Variants in LONP2 observed in about 807,000 individuals in gnomAD.
LONP2 encodes lon peptidase 2, peroxisomal.
Under a neutral mutation model 85.6 loss-of-function variants are expected in LONP2, and 60 were observed. The ratio of observed to expected loss-of-function variants is 0.70; its 90% CI spans 0.57 to 0.87. The LOEUF is 0.87. Ranked by LOEUF, LONP2 falls within the 40% of genes least tolerant of loss-of-function variation. The pLI is 0.00. For missense variants in LONP2, 860 were observed against 1,063.5 expected (o/e 0.81, Z 2.66); for synonymous variants, 395 against 389.7 (o/e 1.01, Z -0.16).
At chr16:48,343,286 T>C (rs1959868415) in intron 12 of LONP2, among the ~76,000 whole-genome samples, 1 of 152,242 alleles carries the variant, frequency 6.6e-6, no homozygotes, top group Non-Finnish European at 1.5e-5. Flanking sequence ...CAAAGAGTTG[T>C]GCATGCTTAC....
chr16:48,339,254 C>T (rs1959745901), intron 12 of LONP2, among the ~76,000 whole-genome samples: 1 of 152,080 alleles, frequency 6.6e-6, no homozygotes, highest in African/African-American at 2.4e-5. Flanking sequence ...GCCATAGAGA[C>T]AGAAGAGGAG....
chr16:48,285,027 G>A (rs1293991487), intron 8 of LONP2, among the ~76,000 whole-genome samples: 1 of 152,034 alleles, frequency 6.6e-6, no homozygotes, highest in Non-Finnish European at 1.5e-5. Context: ...CATATTTCTT[G>A]TCTCATCTCC....
chr16:48,273,669 T>G (rs1972148917), intron 7 of LONP2, among the ~76,000 whole-genome samples: 1 of 152,204 alleles, frequency 6.6e-6, no homozygotes, highest in Non-Finnish European at 1.5e-5. Flanking sequence ...TTAAATAATT[T>G]AAGTCAATTC....
Position 48,253,294 on chromosome 16 carries a change from A to G in LONP2, c.468+929A>G, listed in dbSNP as rs189985157. On this transcript the variant is annotated intron_variant, in intron 2 of 14. Coordinates refer to ENST00000285737, the MANE Select transcript of LONP2 (RefSeq NM_031490.5). ...AGATCAGCCTAGGCAGCATGGTGAGATCCCGTCTCTACAAAATGTACAAAA... is the reference window on the plus strand; with the variant it reads ...AGATCAGCCTAGGCAGCATGGTGAGGTCCCGTCTCTACAAAATGTACAAAA... Among the ~76,000 whole-genome samples the G allele has an allele frequency of 4.0e-3, 613 of 152,062 alleles. 4 individuals are homozygous for G. The highest frequency in any genetic ancestry group is 0.014 in the African/African-American group (582 of 41,480).
chr16:48,350,159 G>A (rs1960095409), intron 14 of LONP2, among the ~76,000 whole-genome samples: 1 of 152,222 alleles, frequency 6.6e-6, no homozygotes, highest in South Asian at 2.1e-4. Flanking sequence ...GCCAAGGTGG[G>A]CGTATCACTT....
chr16:48,310,504 A>T (rs1973008539), intron 11 of LONP2, among the ~76,000 whole-genome samples: 1 of 152,042 alleles, frequency 6.6e-6, no homozygotes. Context: ...GGTGCATGCC[A>T]CCATGCCTGG....
At chr16:48,322,192 T>G (rs1973279707) in intron 11 of LONP2, among the ~76,000 whole-genome samples, 1 of 152,170 alleles carries the variant, frequency 6.6e-6, no homozygotes, top group Admixed American at 6.5e-5. Context: ...AGTGCTCCAT[T>G]ATTGGAACAC....
chr16:48,307,716 T>A (rs1972940518), intron 11 of LONP2, among the ~76,000 whole-genome samples: 2 of 152,182 alleles, frequency 1.3e-5, no homozygotes, highest in African/African-American at 4.8e-5. Context: ...AAAGACAAAA[T>A]TAATACAAAT....
Position 48,299,653 on chromosome 16 carries a change from C to T in LONP2, c.1535-9C>T. ...AAATAATTACAAAACAAGATCTCTT[C>T]TTTTCCAGGTTATACACAGGAGGAG... On this transcript the variant is annotated splice_polypyrimidine_tract_variant and intron_variant, in intron 9 of 14. Transcript: ENST00000285737. The T allele has an allele frequency of 6.3e-7, 1 of 1,596,466 alleles. No homozygotes were observed. The highest frequency in any genetic ancestry group is 8.5e-7 in the Non-Finnish European group (1 of 1,175,182).
intron 10 of LONP2, among the ~76,000 whole-genome samples, chr16:48,301,362 A>G (rs1972800113): frequency 6.6e-6 from 1 of 152,114 alleles, no homozygotes. Flanking sequence ...ATTTTTTAAG[A>G]CAGGTTTTCA....
intron 10 of LONP2, among the ~76,000 whole-genome samples, chr16:48,301,139 A>T (rs1482501009): frequency 6.6e-6 from 1 of 152,200 alleles, no homozygotes; most frequent in Non-Finnish European, 1.5e-5. Flanking sequence ...TTAGTGAGTT[A>T]CCAAACTTAG....
chr16:48,255,799 A>G (rs1023187780), intron 2 of LONP2, among the ~76,000 whole-genome samples: 5 of 152,086 alleles, frequency 3.3e-5, no homozygotes, highest in African/African-American at 1.2e-4. Flanking sequence ...GCTACCATGT[A>G]AGACAGGCCT....
chr16:48,277,735 C>G (rs569013466), intron 8 of LONP2, among the ~76,000 whole-genome samples: 2 of 151,688 alleles, frequency 1.3e-5, no homozygotes, highest in Admixed American at 6.6e-5. Flanking sequence ...CACTTATTAT[C>G]TAGAGGCCAA....
At chr16:48,290,650 A>G (rs1972541145) in intron 8 of LONP2, among the ~76,000 whole-genome samples, 2 of 152,252 alleles carry the variant, frequency 1.3e-5, no homozygotes, top group South Asian at 4.1e-4. Context: ...ACAAACAAAC[A>G]GCACAGGAGC....
In LONP2 at chr16:48,351,832, G is replaced by A. The variant is rs372554047; in HGVS notation, c.*30G>A. ...AAATCTCAATTTTTTAGAATTTTAA[G>A]TTATGAAGTGCTCAAAGGTACTGAC... On this transcript the variant is annotated 3_prime_UTR_variant, in exon 15 of 15. Coordinates refer to ENST00000285737, the MANE Select transcript of LONP2 (RefSeq NM_031490.5). 2.6e-6 allele frequency: 4 copies of A among 1,567,272 alleles called. No individual in the cohort carries two copies. In the South Asian group the frequency reaches 3.3e-5, roughly 13 times the overall value.
At position 48,320,086 on chromosome 16, in the gene LONP2, G is replaced by C. The variant is rs373197385; in HGVS notation, c.1796-14130G>C. ...GAGGCAGGAGAATCGCTTGAACTTG[G>C]GGGGCGGAGGTTGCAGTGAGCCGAG... On this transcript the variant is annotated intron_variant, in intron 11 of 14. Transcript: ENST00000285737. Among the ~76,000 whole-genome samples, 7 of 151,478 alleles carry C rather than the reference G, an allele frequency of 4.6e-5. No individual in the cohort carries two copies. The East Asian group carries it at 1.4e-3, about 29-fold the overall frequency.
Position 48,261,556 on chromosome 16 carries a change from G to A in LONP2, c.856G>A (p.Ala286Thr), listed in dbSNP as rs1314186027. ...ACGAACATCTAGTATGCCAGAGCAGGCCCATAAAGTCTGTGTCAAAGAGAT... is the reference window on the plus strand; with the variant it reads ...ACGAACATCTAGTATGCCAGAGCAGACCCATAAAGTCTGTGTCAAAGAGAT... ...KIRTSSMPEQ[A>T]HKVCVKEIKR... The change falls in exon 5 of 15, where the codon GCC becomes ACC. Residue 286 changes from alanine (A) to threonine (T), a missense_variant. This residue lies in a region of LONP2 where 743 missense variants were observed against 917.3 expected (regional missense o/e 0.81). Coordinates refer to ENST00000285737, the MANE Select transcript of LONP2 (RefSeq NM_031490.5). The A allele has an allele frequency of 1.3e-6, 2 of 1,596,404 alleles. No homozygotes were observed. The highest frequency in any genetic ancestry group is 1.1e-5 in the South Asian group (1 of 88,822).
chr16:48,273,303 A>G (rs768124211), intron 7 of LONP2, among the ~76,000 whole-genome samples: 1 of 152,180 alleles, frequency 6.6e-6, no homozygotes, highest in Non-Finnish European at 1.5e-5. Context: ...AAGGATGCCG[A>G]TAAGTTGGGG....
At chr16:48,251,406 A>C (rs1971645271) in intron 1 of LONP2, among the ~76,000 whole-genome samples, 1 of 152,136 alleles carries the variant, frequency 6.6e-6, no homozygotes, top group Non-Finnish European at 1.5e-5. Context: ...ATGTGACTTG[A>C]TCAGAGTTGT....
Sources: allele counts gnomAD v4.1 joint callset (sites outside exome capture counted in the v4.1 genomes callset), GRCh38; gene constraint gnomAD v4.1.1; regional missense constraint gnomAD v4.1.1; transcripts MANE v1.5; gene names NCBI Gene and HGNC (gene_info 2026-07-23, HGNC 2026-07-21).